Variants in BLTP1 observed in about 807,000 individuals in gnomAD.
BLTP1 encodes bridge-like lipid transfer protein family member 1, also known as fragile site-associated protein.
chr4:122,253,184 TG>T, the BLTP1 span, among the ~76,000 whole-genome samples: 4,313 of 152,186 alleles, frequency 0.028, 138 homozygotes, highest in African/African-American at 0.08. Flanking sequence ...CCAAGAAGGA[TG>T]GGTACAAACA....
chr4:122,194,544 A>T, the BLTP1 span: 1 of 892,630 alleles, frequency 1.1e-6, no homozygotes, highest in Non-Finnish European at 1.3e-6. Context: ...ATAGAGCTAC[A>T]TCTATTTAAA....
chr4:122,266,458 G>A, the BLTP1 span, among the ~76,000 whole-genome samples: 1 of 152,000 alleles, frequency 6.6e-6, no homozygotes, highest in African/African-American at 2.4e-5. Context: ...ATTCATACCT[G>A]TTTTAAAAGC....
At chr4:122,174,342 T>C in the BLTP1 span, 2 of 984,312 alleles carry the variant, frequency 2.0e-6, no homozygotes, top group Non-Finnish European at 2.4e-6. Context: ...CTTAAACTAA[T>C]ATCCTCTTCA....
chr4:122,309,814 A>G, the BLTP1 span, among the ~76,000 whole-genome samples: 2 of 152,100 alleles, frequency 1.3e-5, no homozygotes, highest in Admixed American at 1.3e-4. Flanking sequence ...ACCATAAAAC[A>G]CAGAACAGGT....
At chr4:122,210,087 C>G in the BLTP1 span, 2 of 899,948 alleles carry the variant, frequency 2.2e-6, no homozygotes, top group South Asian at 1.0e-4. Context: ...TGAGCATTTA[C>G]TTTGTGTCAA....
chr4:122,278,732 C>T, the BLTP1 span, among the ~76,000 whole-genome samples: 5 of 152,274 alleles, frequency 3.3e-5, 1 homozygote, highest in South Asian at 1.0e-3. Flanking sequence ...CCTGGGTTCA[C>T]GCAATCCTCC....
the BLTP1 span, chr4:122,250,626 A>T: frequency 6.5e-7 from 1 of 1,531,430 alleles, no homozygotes; most frequent in Non-Finnish European, 9.0e-7. Flanking sequence ...AATAACAAAG[A>T]AAACTACATA....
the BLTP1 span, among the ~76,000 whole-genome samples, chr4:122,335,601 A>C: frequency 6.6e-6 from 1 of 152,146 alleles, no homozygotes. Context: ...AGTGCATGGC[A>C]GCTATTAACC....
chr4:122,263,127 A>G, the BLTP1 span: 6 of 1,396,856 alleles, frequency 4.3e-6, no homozygotes, highest in African/African-American at 1.5e-5. Flanking sequence ...TTAGGAATCC[A>G]TTGTTCTGTT....
chr4:122,254,074 A>C, the BLTP1 span: 1 of 845,332 alleles, frequency 1.2e-6, no homozygotes, highest in East Asian at 2.5e-5. Context: ...CCTGAAGGAG[A>C]AGTAAAGACT....
At chr4:122,185,110 TTAAATC>T in the BLTP1 span, 2 of 984,276 alleles carry the variant, frequency 2.0e-6, no homozygotes, top group Non-Finnish European at 2.4e-6. Flanking sequence ...ACTTGTAAGT[TTAAATC>T]TATATTCCTG....
chr4:122,356,653 G>A, the BLTP1 span: 1 of 1,613,712 alleles, frequency 6.2e-7, no homozygotes, highest in Non-Finnish European at 8.5e-7. Flanking sequence ...AGAATGTAGT[G>A]TGGTGACAGA....
At chr4:122,234,611 T>A in the BLTP1 span, 1 of 384,516 alleles carries the variant, frequency 2.6e-6, no homozygotes, top group African/African-American at 2.2e-5. Flanking sequence ...AGGCAAATGA[T>A]TTAAAAAAAC....
the BLTP1 span, chr4:122,206,102 A>T: frequency 3.1e-6 from 3 of 968,924 alleles, no homozygotes; most frequent in Non-Finnish European, 3.7e-6. Context: ...AGCAGTTTAA[A>T]CATACAGTGA....
chr4:122,152,415 T>C, the BLTP1 span: 1 of 985,790 alleles, frequency 1.0e-6, no homozygotes, highest in Non-Finnish European at 1.2e-6. Flanking sequence ...GGTCTGGACC[T>C]GGGCGGCGGC....
chr4:122,189,129 T>A, the BLTP1 span: 1 of 904,224 alleles, frequency 1.1e-6, no homozygotes, highest in Non-Finnish European at 1.3e-6. Flanking sequence ...AGTGTCTTGC[T>A]ATTAATAATT....
the BLTP1 span, chr4:122,255,335 G>A: frequency 8.8e-6 from 11 of 1,256,944 alleles, no homozygotes; most frequent in South Asian, 1.3e-5. Flanking sequence ...TCTGTTGGTG[G>A]ACCACTGATA....
At chr4:122,306,117 T>C in the BLTP1 span, 1 of 1,430,314 alleles carries the variant, frequency 7.0e-7, no homozygotes, top group Non-Finnish European at 9.4e-7. Flanking sequence ...AAGAATCTTG[T>C]AGTTTACTGG....
the BLTP1 span, chr4:122,300,727 C>T: frequency 5.5e-6 from 1 of 181,006 alleles, no homozygotes; most frequent in Non-Finnish European, 1.1e-5. Flanking sequence ...GAAAACATTC[C>T]ATCCCACCTA....
Sources: gnomAD v4.1 joint callset for allele counts (sites outside exome capture counted in the v4.1 genomes callset) on GRCh38, gnomAD v4.1.1 for gene constraint, MANE v1.5 for transcripts, NCBI Gene and HGNC (gene_info 2026-07-23, HGNC 2026-07-21) for gene names.